The following SLC8A3 variants were observed in gnomAD, a reference collection of about 807,000 sequenced individuals.
SLC8A3 encodes solute carrier family 8 member A3.
In SLC8A3, 37 loss-of-function variants were observed where a neutral mutation model predicts 65.4. That is an observed-to-expected ratio of 0.57 (90% CI 0.44 to 0.74). SLC8A3 has a LOEUF of 0.74. SLC8A3 is among the 30% of genes least tolerant of loss of function. The pLI, the probability that SLC8A3 is intolerant of heterozygous loss-of-function variation, is 0.00. For missense variants in SLC8A3, 1,112 were observed against 1,172.1 expected, an observed-to-expected ratio of 0.95 and a Z score of 0.75; for synonymous variants, 461 against 444.5, an observed-to-expected ratio of 1.04 and a Z score of -0.47.
intron 2 of SLC8A3, among the ~76,000 whole-genome samples, chr14:70,134,491 A>C (rs1895060811): frequency 6.6e-6 from 1 of 152,024 alleles, no homozygotes; most frequent in South Asian, 2.1e-4. Flanking sequence ...TTCACGATTA[A>C]AGTAAAAAGC....
chr14:70,105,462 C>T (rs568313837), intron 2 of SLC8A3, among the ~76,000 whole-genome samples: 1 of 152,128 alleles, frequency 6.6e-6, no homozygotes, highest in Non-Finnish European at 1.5e-5. Context: ...GGAATATTAT[C>T]AAAGACTTTG....
chr14:70,098,589 C>T (rs1892349791), intron 2 of SLC8A3, among the ~76,000 whole-genome samples: 2 of 152,276 alleles, frequency 1.3e-5, no homozygotes, highest in East Asian at 1.9e-4. Context: ...GGCCCAGCAG[C>T]GCTTTCTGGA....
intron 2 of SLC8A3, among the ~76,000 whole-genome samples, chr14:70,079,330 C>CAAAAAAAAAAAAAAAAAAAAA (rs11464342): frequency 2.5e-5 from 2 of 80,928 alleles, no homozygotes; most frequent in Non-Finnish European, 2.4e-5. Flanking sequence ...CTAAAAAATA[C>CAAAAAAAAAAAAAAAAAAAAA]AAAAAAAAAA....
intron 2 of SLC8A3, among the ~76,000 whole-genome samples, chr14:70,127,179 G>C (rs1035716): frequency 0.27 from 40,646 of 150,750 alleles, 6,038 homozygotes; most frequent in East Asian, 0.51. Context: ...AAAGGATTGG[G>C]GGTAGGGGTG....
chr14:70,111,324 C>T (rs977249718), intron 2 of SLC8A3, among the ~76,000 whole-genome samples: 5 of 152,210 alleles, frequency 3.3e-5, no homozygotes, highest in African/African-American at 4.8e-5. Flanking sequence ...AAATACTGCA[C>T]TCACCCTATG....
rs1052544152 is a variant in SLC8A3 at position 70,048,290 on chromosome 14, G to A, written c.2389+477C>T. On this transcript the variant is annotated intron_variant, in intron 6 of 6. Coordinates refer to ENST00000356921, the MANE Select transcript of SLC8A3 (RefSeq NM_182932.3). ...TGGGCATTTCTCCTTTGATATCTTTGAGCTGGCTAATCTTTAACCTCTCAG... is the reference window on the plus strand; with the variant it reads ...TGGGCATTTCTCCTTTGATATCTTTAAGCTGGCTAATCTTTAACCTCTCAG... 1.4e-5 allele frequency: 4 copies of A among 281,502 alleles called. No individual in the cohort carries two copies. In the Admixed American group the frequency reaches 1.4e-4, roughly 10 times the overall value. The allele number at this position is 281,502 out of a possible 1,614,324, so 17.4% of individuals were successfully genotyped here.
chr14:70,154,545 T>C (rs1896462662), intron 2 of SLC8A3, among the ~76,000 whole-genome samples: 1 of 152,140 alleles, frequency 6.6e-6, no homozygotes. Context: ...TGCTAACCAC[T>C]TGCCATGCTG....
intron 2 of SLC8A3, among the ~76,000 whole-genome samples, chr14:70,070,736 TA>T (rs1889937747): frequency 6.6e-6 from 1 of 152,038 alleles, no homozygotes; most frequent in Non-Finnish European, 1.5e-5. Context: ...TGTCCATGCA[TA>T]AAAAAGGCCA....
At chr14:70,150,153 A>G (rs753409387) in intron 2 of SLC8A3, among the ~76,000 whole-genome samples, 9 of 152,228 alleles carry the variant, frequency 5.9e-5, no homozygotes, top group Admixed American at 2.0e-4. Context: ...ACTAAAAACT[A>G]GTACATCATA....
At position 70,046,277 on chromosome 14, in the gene SLC8A3, G is replaced by A. The variant is rs768091396; in HGVS notation, c.2436C>T (p.Asp812=). ...TGCCCGTCACGTTGCCAATGGAGGCGTCTGCATATACATCCTGGAGGGCAG... is the reference window on the plus strand; with the variant it reads ...TGCCCGTCACGTTGCCAATGGAGGCATCTGCATATACATCCTGGAGGGCAG... ...KAAALQDVYA[D]ASIGNVTGSN... is the part of the protein sequence containing the mutation. Residue 812 remains aspartate, a synonymous_variant, in exon 7 of 7, where the codon GAC becomes GAT. Transcript: ENST00000356921. The surrounding 1 kb of genome is among the most constrained non-coding windows in gnomAD (Gnocchi z 4.2). 8.1e-6 allele frequency: 13 copies of A among 1,613,852 alleles called. No individual in the cohort carries two copies. Among genetic ancestry groups the A allele is most frequent in the East Asian group, 4.5e-5 (2 of 44,898 alleles).
intron 2 of SLC8A3, among the ~76,000 whole-genome samples, chr14:70,073,600 G>A (rs1261868233): frequency 6.6e-6 from 1 of 152,190 alleles, no homozygotes; most frequent in Admixed American, 6.5e-5. Flanking sequence ...ATTTAACAGT[G>A]TATCTGTTCC....
intron 2 of SLC8A3, among the ~76,000 whole-genome samples, chr14:70,113,392 A>G (rs998134547): frequency 1.1e-4 from 16 of 152,178 alleles, no homozygotes; most frequent in African/African-American, 3.1e-4. Context: ...AAAATATGGT[A>G]TTATAATCTT....
intron 2 of SLC8A3, among the ~76,000 whole-genome samples, chr14:70,074,809 A>C (rs1594940449): frequency 6.6e-6 from 1 of 151,262 alleles, no homozygotes; most frequent in East Asian, 1.9e-4. Flanking sequence ...ATGATAAACA[A>C]AATATCAAAA....
intron 1 of SLC8A3, among the ~76,000 whole-genome samples, chr14:70,181,999 CATT>C (rs887448308): frequency 4.6e-5 from 7 of 152,088 alleles, no homozygotes; most frequent in African/African-American, 1.7e-4. Flanking sequence ...AACACACACA[CATT>C]ATTATTATTT....
intron 2 of SLC8A3, among the ~76,000 whole-genome samples, chr14:70,147,818 T>C (rs1307654434): frequency 6.6e-6 from 1 of 152,186 alleles, no homozygotes; most frequent in African/African-American, 2.4e-5. Context: ...GGACTCATGA[T>C]TCATGAAAAC....
chr14:70,143,187 A>G (rs189171032), intron 2 of SLC8A3, among the ~76,000 whole-genome samples: 4 of 152,220 alleles, frequency 2.6e-5, no homozygotes, highest in East Asian at 3.9e-4. Context: ...TTGCCTGTAG[A>G]TGCGTTAAGT....
intron 1 of SLC8A3, among the ~76,000 whole-genome samples, chr14:70,169,869 C>T (rs1346858179): frequency 6.6e-6 from 1 of 152,142 alleles, no homozygotes; most frequent in East Asian, 1.9e-4. Flanking sequence ...CACCCAGTTA[C>T]TCATGTTAGA....
intron 2 of SLC8A3, among the ~76,000 whole-genome samples, chr14:70,112,528 C>A (rs1340269304): frequency 6.6e-6 from 1 of 152,050 alleles, no homozygotes; most frequent in African/African-American, 2.4e-5. Flanking sequence ...AGCCTGGATG[C>A]GGGAATGAAG....
At chr14:70,174,238 CT>C (rs1234385853) in intron 1 of SLC8A3, among the ~76,000 whole-genome samples, 1 of 152,224 alleles carries the variant, frequency 6.6e-6, no homozygotes, top group Non-Finnish European at 1.5e-5. Context: ...CCCCGACAAG[CT>C]TGGAAGCTCT....
Sources: allele counts gnomAD v4.1 joint callset (sites outside exome capture counted in the v4.1 genomes callset), GRCh38; gene constraint gnomAD v4.1.1; non-coding constraint Gnocchi (gnomAD v3.1); transcripts MANE v1.5; gene names NCBI Gene and HGNC (gene_info 2026-07-23, HGNC 2026-07-21).